DLGAP2: variants seen among roughly 807,000 people sequenced by gnomAD.
DLGAP2 encodes disks large-associated protein 2.
Under a neutral mutation model 100.3 loss-of-function variants are expected in DLGAP2, and 26 were observed. The observed-to-expected ratio is 0.26, with a 90% CI of 0.19 to 0.36. The LOEUF is 0.36. DLGAP2 is among the 10% of genes least tolerant of loss of function. The probability of loss-of-function intolerance (pLI) is 1.00; values close to 1 mark genes in which losing one functional copy is unlikely to be tolerated. For missense variants in DLGAP2, 1,858 were observed against 1,453.2 expected, an observed-to-expected ratio of 1.28 and a Z score of -4.53; for synonymous variants, 886 against 630.1, an observed-to-expected ratio of 1.41 and a Z score of -6.08.
rs889842338 is a variant in DLGAP2 at position 1,601,943 on chromosome 8, A to AGG, written c.1443-24795_1443-24794dup. On this transcript the variant is annotated intron_variant, in intron 6 of 14. Transcript: ENST00000637795. The stretch of plus-strand genomic sequence containing the variant: ...TTTGATCCTAAAACCTTAATTTAAC[A>AGG]GGGTGTGTGTGTGTGTGTGTGTGTG... Among the ~76,000 whole-genome samples the AGG allele has an allele frequency of 7.4e-5, 4 of 54,356 alleles. No homozygotes were observed. The South Asian group carries it at 1.7e-3, about 23-fold the overall frequency. The allele number at this position is 54,356 out of a possible 152,430, so 35.7% of individuals were successfully genotyped here.
chr8:779,229 T>C (rs1292405706), intron 1 of DLGAP2, among the ~76,000 whole-genome samples: 1 of 152,202 alleles, frequency 6.6e-6, no homozygotes, highest in Non-Finnish European at 1.5e-5. Context: ...CACTGACCTG[T>C]GCCCACTCTC....
chr8:1,455,221 C>T (rs994597349), intron 3 of DLGAP2, among the ~76,000 whole-genome samples: 1 of 152,252 alleles, frequency 6.6e-6, no homozygotes, highest in African/African-American at 2.4e-5. Flanking sequence ...CACAGCGCTC[C>T]ACGTGGACGC....
intron 2 of DLGAP2, among the ~76,000 whole-genome samples, chr8:935,856 G>A (rs1799058972): frequency 6.6e-6 from 1 of 152,106 alleles, no homozygotes; most frequent in Non-Finnish European, 1.5e-5. Flanking sequence ...GTGTTTATGT[G>A]CTTTTTATGT....
chr8:1,328,480 G>T (rs557841689), intron 3 of DLGAP2, among the ~76,000 whole-genome samples: 22 of 152,004 alleles, frequency 1.4e-4, no homozygotes, highest in Non-Finnish European at 3.2e-4. Flanking sequence ...TGACTAATTT[G>T]TGTGTGTTTT....
chr8:1,555,706 T>C (rs1801941802), intron 5 of DLGAP2, among the ~76,000 whole-genome samples: 1 of 152,242 alleles, frequency 6.6e-6, no homozygotes, highest in East Asian at 1.9e-4. Context: ...AGCAGCTTGG[T>C]GCCGGGCAGG....
intron 2 of DLGAP2, among the ~76,000 whole-genome samples, chr8:913,018 A>G (rs1405715225): frequency 1.3e-5 from 2 of 152,238 alleles, no homozygotes; most frequent in African/African-American, 4.8e-5. Context: ...GCAAAATGAA[A>G]TATTGGATTG....
intron 1 of DLGAP2, among the ~76,000 whole-genome samples, chr8:827,833 A>G (rs951411089): frequency 5.9e-5 from 9 of 152,216 alleles, no homozygotes; most frequent in African/African-American, 1.9e-4. Flanking sequence ...TGCCCCGATA[A>G]TCACGTAGGT....
At chr8:1,635,349 A>G (rs1286943041) in intron 8 of DLGAP2, among the ~76,000 whole-genome samples, 1 of 152,226 alleles carries the variant, frequency 6.6e-6, no homozygotes, top group Non-Finnish European at 1.5e-5. Context: ...CTGAACTTCA[A>G]ATTTCATCCA....
At chr8:970,220 A>G (rs1799978966) in intron 2 of DLGAP2, among the ~76,000 whole-genome samples, 1 of 152,212 alleles carries the variant, frequency 6.6e-6, no homozygotes, top group Admixed American at 6.5e-5. Context: ...TTATTTGGTG[A>G]CAATATTGTT....
intron 3 of DLGAP2, among the ~76,000 whole-genome samples, chr8:1,285,879 GC>G (rs1462904894): frequency 1.3e-5 from 2 of 152,178 alleles, no homozygotes; most frequent in African/African-American, 2.4e-5. Flanking sequence ...GATTACCTGA[GC>G]CCAGAAGGTT....
chr8:1,511,782 C>T (rs367970558), intron 4 of DLGAP2, among the ~76,000 whole-genome samples: 3 of 151,986 alleles, frequency 2.0e-5, no homozygotes, highest in African/African-American at 4.8e-5. Flanking sequence ...TAGTGTAGGA[C>T]AATCAGTAGA....
intron 2 of DLGAP2, among the ~76,000 whole-genome samples, chr8:1,081,209 TA>T (rs1434331421): frequency 6.6e-6 from 1 of 152,196 alleles, no homozygotes; most frequent in Non-Finnish European, 1.5e-5. Context: ...CTCACCGGGT[TA>T]AAGGCAGTAT....
chr8:1,071,604 A>G (rs188243844), intron 2 of DLGAP2, among the ~76,000 whole-genome samples: 10 of 152,182 alleles, frequency 6.6e-5, no homozygotes, highest in Middle Eastern at 3.4e-3. Flanking sequence ...AATTTTTTCC[A>G]TATCCATTTT....
At chr8:1,280,771 T>G (rs1277933130) in intron 3 of DLGAP2, among the ~76,000 whole-genome samples, 2 of 152,184 alleles carry the variant, frequency 1.3e-5, no homozygotes, top group Non-Finnish European at 2.9e-5. Context: ...GGGGTCAGGT[T>G]GCCATGCAAG....
chr8:1,178,462 A>G (rs1313395550), intron 2 of DLGAP2, among the ~76,000 whole-genome samples: 1 of 152,166 alleles, frequency 6.6e-6, no homozygotes, highest in African/African-American at 2.4e-5. Flanking sequence ...CTTCTGCTAT[A>G]ATAATAGACG....
intron 3 of DLGAP2, among the ~76,000 whole-genome samples, chr8:1,341,487 C>T (rs185824019): frequency 6.6e-6 from 1 of 152,294 alleles, no homozygotes; most frequent in East Asian, 1.9e-4. Flanking sequence ...ATGGAATACC[C>T]ACATCAGCAG....
At chr8:1,512,018 T>C (rs553061783) in intron 4 of DLGAP2, among the ~76,000 whole-genome samples, 27 of 152,242 alleles carry the variant, frequency 1.8e-4, no homozygotes, top group Non-Finnish European at 2.6e-4. Flanking sequence ...ATTACACATC[T>C]GACTAACAAT....
At chr8:980,584 T>A (rs1439322585) in intron 2 of DLGAP2, among the ~76,000 whole-genome samples, 4 of 152,210 alleles carry the variant, frequency 2.6e-5, no homozygotes, top group South Asian at 2.1e-4. Flanking sequence ...AAACACGTGC[T>A]GTGTGCTGTC....
At chr8:809,024 A>T (rs1300013893) in intron 1 of DLGAP2, among the ~76,000 whole-genome samples, 2 of 150,718 alleles carry the variant, frequency 1.3e-5, no homozygotes, top group African/African-American at 4.9e-5. Context: ...CTGTTGCCTC[A>T]GCCTCCCAAG....
Sources: gnomAD v4.1 joint callset for allele counts (sites outside exome capture counted in the v4.1 genomes callset) on GRCh38, gnomAD v4.1.1 for gene constraint, MANE v1.5 for transcripts, NCBI Gene and HGNC (gene_info 2026-07-23, HGNC 2026-07-21) for gene names.